Variants in CRTC3 observed in about 807,000 individuals in gnomAD.
CRTC3 encodes CREB-regulated transcription coactivator 3.
CRTC3 carries 26 observed loss-of-function variants against 74.5 expected under a neutral mutation model. That is an observed-to-expected ratio of 0.35 (90% CI 0.26 to 0.48). The LOEUF (loss-of-function observed/expected upper bound fraction) is 0.48. Ranked by LOEUF, CRTC3 falls within the 20% of genes least tolerant of loss-of-function variation. The probability of loss-of-function intolerance (pLI) is 0.99; values close to 1 mark genes in which losing one functional copy is unlikely to be tolerated. For synonymous variants in CRTC3, 377 were observed against 325.8 expected (o/e 1.16, Z -1.69); for missense variants, 760 against 787.3 (o/e 0.97, Z 0.41).
chr15:90,571,944 C>G (rs1369066162), intron 2 of CRTC3, among the ~76,000 whole-genome samples: 1 of 152,038 alleles, frequency 6.6e-6, no homozygotes, highest in Non-Finnish European at 1.5e-5. Context: ...GGTGGATTAC[C>G]TGAGGTCAGG....
At chr15:90,635,724 T>A (rs1969209585) in intron 11 of CRTC3, among the ~76,000 whole-genome samples, 1 of 152,000 alleles carries the variant, frequency 6.6e-6, no homozygotes, top group Non-Finnish European at 1.5e-5. Flanking sequence ...TCTTCCAATG[T>A]CGCACCTCGG....
chr15:90,580,953 G>A (rs955970768), intron 2 of CRTC3, among the ~76,000 whole-genome samples: 4 of 152,290 alleles, frequency 2.6e-5, no homozygotes, highest in African/African-American at 9.6e-5. Flanking sequence ...TTTAAACCAT[G>A]ATGAATTTTT....
intron 2 of CRTC3, among the ~76,000 whole-genome samples, chr15:90,575,498 A>T (rs1017195959): frequency 1.3e-5 from 2 of 152,194 alleles, no homozygotes; most frequent in Non-Finnish European, 2.9e-5. Flanking sequence ...TGCCAGTGTA[A>T]GGTATGCAGT....
intron 2 of CRTC3, among the ~76,000 whole-genome samples, chr15:90,580,291 C>G (rs1433189980): frequency 6.6e-6 from 1 of 152,144 alleles, no homozygotes; most frequent in Non-Finnish European, 1.5e-5. Context: ...AGCATTATGA[C>G]CTTTACTCCT....
At chr15:90,610,129 A>G (rs1968323353) in intron 6 of CRTC3, among the ~76,000 whole-genome samples, 1 of 152,236 alleles carries the variant, frequency 6.6e-6, no homozygotes, top group Non-Finnish European at 1.5e-5. Flanking sequence ...AGCTATTTTA[A>G]ATAGTTTCAT....
Position 90,530,003 on chromosome 15 carries a change from G to A in CRTC3, c.-69G>A. ...GCGGCGGCCCCGGCGGCCTGTGGAC[G>A]GACGGGTGGGCCGAGGTACAGGCCC... On this transcript the variant is annotated 5_prime_UTR_variant, in exon 1 of 15. Transcript: ENST00000268184. This position sits in a 1 kb window ranked among gnomAD's most constrained non-coding sequence, Gnocchi z 6.2. 8.2e-7 allele frequency: 1 copy of A among 1,223,584 alleles called. No individual in the cohort carries two copies. Among genetic ancestry groups the A allele is most frequent in the Non-Finnish European group, 1.0e-6 (1 of 962,996 alleles). The allele number at this position is 1,223,584 out of a possible 1,614,324, so 75.8% of individuals were successfully genotyped here.
chr15:90,560,701 G>C (rs977303348), intron 2 of CRTC3, among the ~76,000 whole-genome samples: 1 of 152,232 alleles, frequency 6.6e-6, no homozygotes, highest in Non-Finnish European at 1.5e-5. Flanking sequence ...GGGAATGAGA[G>C]CAGCGCCCAG....
chr15:90,562,956 G>T (rs1967044856), intron 2 of CRTC3, among the ~76,000 whole-genome samples: 1 of 152,172 alleles, frequency 6.6e-6, no homozygotes, highest in Non-Finnish European at 1.5e-5. Flanking sequence ...GCTGGGCACT[G>T]GCCATGCCTG....
At chr15:90,598,773 G>C in intron 3 of CRTC3, 1 of 502,300 alleles carries the variant, frequency 2.0e-6, no homozygotes. Flanking sequence ...TGGAGGTGTC[G>C]ATTTATGAGT....
intron 2 of CRTC3, among the ~76,000 whole-genome samples, chr15:90,544,462 A>G (rs777655172): frequency 3.7e-4 from 56 of 152,232 alleles, no homozygotes; most frequent in Middle Eastern, 6.3e-3. Context: ...TTAACCCACT[A>G]CATTGCATTG....
intron 2 of CRTC3, among the ~76,000 whole-genome samples, chr15:90,544,582 G>T (rs1046883554): frequency 2.0e-5 from 3 of 152,050 alleles, no homozygotes; most frequent in African/African-American, 7.3e-5. Context: ...TCCACCTTTT[G>T]GCAATTATGA....
At position 90,645,249 on chromosome 15, in the gene CRTC3, T is replaced by TA. The variant is rs1253905188; in HGVS notation, c.*3114dup. ...CCAGGGCACCCTGTTCAACCATATT[T>TA]AAAAATTGGAATTTGTATAAAGTTG... On this transcript the variant is annotated 3_prime_UTR_variant, in exon 15 of 15. Coordinates refer to ENST00000268184, the MANE Select transcript of CRTC3 (RefSeq NM_022769.5). 4.4e-6 allele frequency: 1 copy of TA among 225,746 alleles called. No homozygotes were observed. Among genetic ancestry groups the TA allele is most frequent in the East Asian group, 6.4e-5 (1 of 15,662 alleles). The allele number at this position is 225,746 out of a possible 1,614,324, so 14.0% of individuals were successfully genotyped here. A position where few individuals can be genotyped will look rare whatever the true frequency, so the allele number is the denominator to read the frequency against.
chr15:90,560,721 G>A (rs187075411), intron 2 of CRTC3, among the ~76,000 whole-genome samples: 183 of 152,316 alleles, frequency 1.2e-3, no homozygotes, highest in African/African-American at 3.9e-3. Flanking sequence ...GATGCTGCCT[G>A]CTGGAGCTGC....
Position 90,549,138 on chromosome 15 carries a change from A to G in CRTC3, c.231+9001A>G, listed in dbSNP as rs77801955. On this transcript the variant is annotated intron_variant, in intron 2 of 14. Transcript: ENST00000268184. Reference sequence around the variant, plus strand: ...TATTTTTTAACAAAATCAGCCTCATATGTATGTATAGTTTTGTATTTTCCT... The same window carrying G: ...TATTTTTTAACAAAATCAGCCTCATGTGTATGTATAGTTTTGTATTTTCCT... Among the ~76,000 whole-genome samples, 1,142 of 152,276 alleles carry G rather than the reference A, an allele frequency of 7.5e-3. 40 individuals are homozygous for G. The East Asian group carries it at 0.11, about 14-fold the overall frequency.
intron 1 of CRTC3, among the ~76,000 whole-genome samples, chr15:90,533,312 G>T (rs1226123366): frequency 1.3e-5 from 2 of 150,932 alleles, no homozygotes; most frequent in Non-Finnish European, 1.5e-5. Context: ...GCTGCGGCAG[G>T]AGGGAGGCTG....
At chr15:90,564,267 A>T (rs1363226407) in intron 2 of CRTC3, among the ~76,000 whole-genome samples, 1 of 152,250 alleles carries the variant, frequency 6.6e-6, no homozygotes, top group African/African-American at 2.4e-5. Flanking sequence ...CTGAATGCAG[A>T]AGTTGAAACC....
chr15:90,632,183 C>T (rs1596144859), intron 11 of CRTC3, among the ~76,000 whole-genome samples: 1 of 151,248 alleles, frequency 6.6e-6, no homozygotes, highest in Non-Finnish European at 1.5e-5. Context: ...TTTTATTTTG[C>T]AAGATTATTT....
At chr15:90,537,616 C>T (rs927698743) in intron 1 of CRTC3, among the ~76,000 whole-genome samples, 2 of 152,144 alleles carry the variant, frequency 1.3e-5, no homozygotes, top group African/African-American at 4.8e-5. Context: ...GATCTCCTGA[C>T]CTCGTGATCC....
At chr15:90,537,689 T>G (rs901221476) in intron 1 of CRTC3, among the ~76,000 whole-genome samples, 1 of 152,178 alleles carries the variant, frequency 6.6e-6, no homozygotes, top group Admixed American at 6.5e-5. Context: ...CTGGCCTTTT[T>G]TTTGAGACAG....
Sources: allele counts gnomAD v4.1 joint callset (sites outside exome capture counted in the v4.1 genomes callset), GRCh38; gene constraint gnomAD v4.1.1; non-coding constraint Gnocchi (gnomAD v3.1); transcripts MANE v1.5; gene names NCBI Gene and HGNC (gene_info 2026-07-23, HGNC 2026-07-21).